LAMA2: variants seen among roughly 807,000 people sequenced by gnomAD.
LAMA2 encodes laminin subunit alpha 2, also known as laminin subunit alpha-2.
In LAMA2, 269 loss-of-function variants were observed where a neutral mutation model predicts 364.8. That is an observed-to-expected ratio of 0.74 (90% CI 0.67 to 0.82). LAMA2 has a LOEUF of 0.82. Ranked by LOEUF, LAMA2 falls within the 40% of genes least tolerant of loss-of-function variation. LAMA2 has a pLI of 0.00. For synonymous variants in LAMA2, 1,379 were observed against 1,370.6 expected, an observed-to-expected ratio of 1.01 and a Z score of -0.14; for missense variants, 3,807 against 3,873.2, an observed-to-expected ratio of 0.98 and a Z score of 0.45.
At chr6:129,031,570 G>T (rs1786225192) in intron 1 of LAMA2, among the ~76,000 whole-genome samples, 1 of 152,116 alleles carries the variant, frequency 6.6e-6, no homozygotes. Flanking sequence ...ACTATCCAGA[G>T]GACAGTGGTA....
intron 4 of LAMA2, among the ~76,000 whole-genome samples, chr6:129,112,754 T>C (rs1213156561): frequency 6.6e-6 from 1 of 151,678 alleles, no homozygotes; most frequent in Admixed American, 6.6e-5. Flanking sequence ...TGTAGTGACT[T>C]GTCTAGGGAA....
At chr6:129,120,274 G>T (rs992337739) in intron 4 of LAMA2, among the ~76,000 whole-genome samples, 1 of 152,008 alleles carries the variant, frequency 6.6e-6, no homozygotes, top group African/African-American at 2.4e-5. Context: ...CAGATATTTT[G>T]GGATTTCTGA....
intron 53 of LAMA2, among the ~76,000 whole-genome samples, 186 bp from the exon 54 acceptor site, chr6:129,478,507 C>T (rs1490578206): frequency 6.6e-6 from 1 of 152,128 alleles, no homozygotes; most frequent in Admixed American, 6.6e-5. Context: ...TGCAGGATAA[C>T]ATGAACATCC....
At chr6:129,051,683 T>C (rs200319423) in intron 2 of LAMA2, among the ~76,000 whole-genome samples, 1 of 38,772 alleles carries the variant, frequency 2.6e-5, no homozygotes, top group African/African-American at 2.1e-4. Context: ...TATAGATATC[T>C]ATATCTATAG....
intron 15 of LAMA2, among the ~76,000 whole-genome samples, chr6:129,263,304 CA>C (rs1384527290): frequency 2.6e-5 from 4 of 152,102 alleles, no homozygotes; most frequent in African/African-American, 7.2e-5. Flanking sequence ...TGCCAGAAAG[CA>C]AATAGAAATA....
rs867368073 is a variant in LAMA2 at position 129,017,086 on chromosome 6, A to G, written c.113-32832A>G. Among the ~76,000 whole-genome samples the G allele has an allele frequency of 2.0e-5, 3 of 152,048 alleles. No homozygotes were observed. In the South Asian group the frequency reaches 6.2e-4, roughly 32 times the overall value. ...CTAGACTTCTGCATCGCAAACCAGA[A>G]CTACATTTAAATGCATTTTATCTCA... On this transcript the variant is annotated intron_variant, in intron 1 of 64. Transcript: ENST00000421865.
At chr6:129,502,610 TAAAG>T (rs1785735727) in intron 58 of LAMA2, 45 bp from the exon 59 acceptor site, 1 of 1,167,482 alleles carries the variant, frequency 8.6e-7, no homozygotes, top group African/African-American at 1.5e-5. Flanking sequence ...ATTACCTTTT[TAAAG>T]AACAGTCCAT....
intron 12 of LAMA2, among the ~76,000 whole-genome samples, chr6:129,230,124 A>G (rs1784590566): frequency 6.6e-6 from 1 of 152,172 alleles, no homozygotes; most frequent in Non-Finnish European, 1.5e-5. Context: ...TAGCACCCCA[A>G]CATTTAGAGG....
At chr6:129,169,349 T>G (rs1285736844) in intron 9 of LAMA2, among the ~76,000 whole-genome samples, 1 of 149,812 alleles carries the variant, frequency 6.7e-6, no homozygotes, top group Non-Finnish European at 1.5e-5. Context: ...AATACCTAAT[T>G]TATTGAGAGT....
intron 63 of LAMA2, among the ~76,000 whole-genome samples, chr6:129,513,836 T>A (rs1187620976): frequency 1.3e-5 from 2 of 152,148 alleles, no homozygotes; most frequent in East Asian, 3.9e-4. Flanking sequence ...TGAAACGGGC[T>A]CCAAAATGTA....
At chr6:128,987,140 GTT>G (rs764115716) in intron 1 of LAMA2, among the ~76,000 whole-genome samples, 24,251 of 121,686 alleles carry the variant, frequency 0.2, 2,567 homozygotes, top group African/African-American at 0.33. Flanking sequence ...TTTTTTTTTT[GTT>G]TTTTTTTTTT....
intron 41 of LAMA2, among the ~76,000 whole-genome samples, chr6:129,432,582 C>T (rs1221636867): frequency 6.6e-6 from 1 of 152,074 alleles, no homozygotes; most frequent in Non-Finnish European, 1.5e-5. Context: ...TAATTTAGAC[C>T]AGAAATAAAC....
Position 129,229,607 on chromosome 6 carries a change from A to G in LAMA2, c.1783-20505A>G, listed in dbSNP as rs185819390. On this transcript the variant is annotated intron_variant, in intron 12 of 64. Coordinates refer to ENST00000421865, the MANE Select transcript of LAMA2 (RefSeq NM_000426.4). Reference sequence around the variant, plus strand: ...GAGAGTTGGTTGAATGAGGACAAACAGATAGACCAGTTAAGAGACTTGGCA... The same window carrying G: ...GAGAGTTGGTTGAATGAGGACAAACGGATAGACCAGTTAAGAGACTTGGCA... Among the ~76,000 whole-genome samples the G allele has an allele frequency of 2.0e-5, 3 of 152,336 alleles. No individual in the cohort carries two copies. The East Asian group carries it at 5.8e-4, about 29-fold the overall frequency.
chr6:129,316,018 AT>A lies in LAMA2; in HGVS notation c.3925-17del. The A allele has an allele frequency of 6.2e-7, 1 of 1,613,968 alleles. No individual in the cohort carries two copies. The highest frequency in any genetic ancestry group is 2.2e-5 in the East Asian group (1 of 44,870). ...TTTTGCATTCAGTTTTGTCATAGTGATTTCTCTTCTTGTTAACAGAAAGAAT... is the reference window on the plus strand; with the variant it reads ...TTTTGCATTCAGTTTTGTCATAGTGATTCTCTTCTTGTTAACAGAAAGAAT... On this transcript the variant is annotated intron_variant, in intron 26 of 64. Transcript: ENST00000421865.
At chr6:128,924,765 C>T (rs974486492) in intron 1 of LAMA2, among the ~76,000 whole-genome samples, 17 of 152,148 alleles carry the variant, frequency 1.1e-4, no homozygotes, top group African/African-American at 4.1e-4. Context: ...TGTAGGCCAA[C>T]CACCCCTTCT....
chr6:128,904,690 CT>C (rs1182795177), intron 1 of LAMA2, among the ~76,000 whole-genome samples: 1 of 152,062 alleles, frequency 6.6e-6, no homozygotes, highest in East Asian at 1.9e-4. Context: ...AACTCATGAC[CT>C]TGTGATCTGC....
intron 1 of LAMA2, chr6:128,928,954 G>T: frequency 2.2e-6 from 2 of 921,268 alleles, no homozygotes; most frequent in Middle Eastern, 3.3e-4. Flanking sequence ...GAGTAGAGGA[G>T]GTAATACAGG....
chr6:128,954,098 G>A (rs1278466306), intron 1 of LAMA2, among the ~76,000 whole-genome samples: 3 of 151,994 alleles, frequency 2.0e-5, no homozygotes, highest in Admixed American at 1.3e-4. Flanking sequence ...TTGTCTCTTC[G>A]ACCAGTGGAT....
At chr6:129,486,332 C>A (rs1784580786) in intron 55 of LAMA2, 142 bp from the exon 56 acceptor site, 1 of 803,956 alleles carries the variant, frequency 1.2e-6, no homozygotes, top group Non-Finnish European at 2.1e-6. Flanking sequence ...CAGCTGTTTT[C>A]AAAACCGTTT....
Sources: allele counts gnomAD v4.1 joint callset (sites outside exome capture counted in the v4.1 genomes callset), GRCh38; gene constraint gnomAD v4.1.1; transcripts MANE v1.5; gene names NCBI Gene and HGNC (gene_info 2026-07-23, HGNC 2026-07-21).